The following PDE5A variants were observed in gnomAD, a reference collection of about 807,000 sequenced individuals.
PDE5A encodes cGMP-specific 3',5'-cyclic phosphodiesterase.
Under a neutral mutation model 110.2 loss-of-function variants are expected in PDE5A, and 67 were observed. The observed-to-expected ratio is 0.61, with a 90% CI of 0.50 to 0.75. The LOEUF (loss-of-function observed/expected upper bound fraction) is 0.75, where lower values mean the gene tolerates loss of function less well. Ranked by LOEUF, PDE5A falls within the 30% of genes least tolerant of loss-of-function variation. The pLI is 0.00. For missense variants in PDE5A, 862 were observed against 1,045.1 expected, an observed-to-expected ratio of 0.82 and a Z score of 2.42; for synonymous variants, 328 against 351.2, an observed-to-expected ratio of 0.93 and a Z score of 0.74.
intron 1 of PDE5A, among the ~76,000 whole-genome samples, chr4:119,607,662 A>C (rs13118388): frequency 0.15 from 23,092 of 152,024 alleles, 1,902 homozygotes; most frequent in African/African-American, 0.2. Flanking sequence ...GCTTGAGCCC[A>C]GGAGTTCGAG....
In PDE5A at chr4:119,628,801, C is replaced by G; in HGVS notation, c.-130G>C. 1 of 1,406,406 alleles carries G rather than the reference C, an allele frequency of 7.1e-7. No homozygotes were observed. The allele number at this position is 1,406,406 out of a possible 1,614,324, so 87.1% of individuals were successfully genotyped here. A position where few individuals can be genotyped will look rare whatever the true frequency, so the allele number is the denominator to read the frequency against. ...GTCCTGCTCCAGTCGGGCCGGCTTT[C>G]GACAAAGCGGCCGGAGCGCCAGGCC... On this transcript the variant is annotated 5_prime_UTR_variant, in exon 1 of 21. Coordinates refer to ENST00000354960, the MANE Select transcript of PDE5A (RefSeq NM_001083.4).
intron 3 of PDE5A, among the ~76,000 whole-genome samples, chr4:119,584,944 G>T (rs1428043757): frequency 6.6e-6 from 1 of 152,184 alleles, no homozygotes; most frequent in Non-Finnish European, 1.5e-5. Context: ...TGCAAACAGA[G>T]ATCTTATGTA....
intron 16 of PDE5A, among the ~76,000 whole-genome samples, 171 bp from the exon 17 acceptor site, chr4:119,506,103 C>G (rs1725545176): frequency 6.6e-6 from 1 of 151,730 alleles, no homozygotes; most frequent in Admixed American, 6.6e-5. Flanking sequence ...ACCTCACTTT[C>G]CCCCTTCTAT....
intron 8 of PDE5A, 44 bp downstream of exon 8, chr4:119,553,594 G>T (rs1190545266): frequency 1.1e-6 from 1 of 937,206 alleles, no homozygotes; most frequent in Non-Finnish European, 1.8e-6. Flanking sequence ...AGATGTGATG[G>T]GAAAACAGCC....
rs1725070102 is a variant in PDE5A at position 119,496,344 on chromosome 4, C to T, written c.*2257G>A. 1 of 152,080 alleles carries T rather than the reference C, an allele frequency of 6.6e-6. No individual in the cohort carries two copies. The highest frequency in any genetic ancestry group is 1.5e-5 in the Non-Finnish European group (1 of 68,004). The allele number at this position is 152,080 out of a possible 1,614,324, so 9.4% of individuals were successfully genotyped here. A position where few individuals can be genotyped will look rare whatever the true frequency, so the allele number is the denominator to read the frequency against. The stretch of plus-strand genomic sequence containing the variant: ...AAAATTATTTGAACCAATTAACCAG[C>T]CCTAAAGAAGTACTCTGCTTTGTAT... On this transcript the variant is annotated 3_prime_UTR_variant, in exon 21 of 21. Coordinates refer to ENST00000354960, the MANE Select transcript of PDE5A (RefSeq NM_001083.4).
rs1358178647 is a variant in PDE5A at position 119,624,174 on chromosome 4, T to C, written c.152+4346A>G. Among the ~76,000 whole-genome samples the C allele has an allele frequency of 3.3e-5, 5 of 152,268 alleles. No homozygotes were observed. In the East Asian group the frequency reaches 5.8e-4, roughly 18 times the overall value. On this transcript the variant is annotated intron_variant, in intron 1 of 20. Coordinates refer to ENST00000354960, the MANE Select transcript of PDE5A (RefSeq NM_001083.4). Reference sequence around the variant, plus strand: ...AAAATACTATAAACAATATCAAAGTTAGACTGGGTCAATGCTCAGAGGGTT... The same window carrying C: ...AAAATACTATAAACAATATCAAAGTCAGACTGGGTCAATGCTCAGAGGGTT...
intron 2 of PDE5A, among the ~76,000 whole-genome samples, chr4:119,598,758 G>C (rs753124328): frequency 6.6e-6 from 1 of 152,186 alleles, no homozygotes; most frequent in African/African-American, 2.4e-5. Context: ...TACCCAATGA[G>C]AGCAACGCTT....
intron 9 of PDE5A, chr4:119,548,673 T>C (rs553053906): frequency 1.3e-5 from 2 of 152,340 alleles, no homozygotes; most frequent in East Asian, 3.9e-4. Flanking sequence ...TATTTTTGTC[T>C]TTCTTCAGTC....
intron 1 of PDE5A, among the ~76,000 whole-genome samples, chr4:119,620,262 T>C (rs1404179071): frequency 1.3e-5 from 2 of 152,204 alleles, no homozygotes; most frequent in Admixed American, 6.5e-5. Context: ...GTAGTTCGCT[T>C]GGGTCTGGCA....
intron 7 of PDE5A, among the ~76,000 whole-genome samples, chr4:119,554,737 A>G (rs534730265): frequency 2.0e-5 from 3 of 152,106 alleles, no homozygotes; most frequent in Admixed American, 1.3e-4. Context: ...TAAACCAAAG[A>G]AAAAAAACAA....
intron 14 of PDE5A, among the ~76,000 whole-genome samples, chr4:119,518,679 A>G (rs924262234): frequency 9.9e-5 from 15 of 152,244 alleles, no homozygotes; most frequent in African/African-American, 3.6e-4. Context: ...CTTAATAAGT[A>G]TGTAGGGCCG....
At chr4:119,533,636 T>C (rs1466642612) in intron 11 of PDE5A, among the ~76,000 whole-genome samples, 2 of 152,126 alleles carry the variant, frequency 1.3e-5, no homozygotes, top group African/African-American at 4.8e-5. Context: ...AGCATCAACA[T>C]GTTATATGAT....
rs1431919586 is a variant in PDE5A at position 119,525,486 on chromosome 4, T to C, written c.1779+63A>G. The C allele has an allele frequency of 4.8e-6, 7 of 1,453,126 alleles. No homozygotes were observed. The African/African-American group carries it at 8.5e-5, about 18-fold the overall frequency. 90.0% of individuals were successfully genotyped at this position (1,453,126 alleles called of 1,614,324 possible). A position where few individuals can be genotyped will look rare whatever the true frequency, so the allele number is the denominator to read the frequency against. On this transcript the variant is annotated intron_variant, in intron 12 of 20. Coordinates refer to ENST00000354960, the MANE Select transcript of PDE5A (RefSeq NM_001083.4). This position sits in a 1 kb window ranked among gnomAD's most constrained non-coding sequence, Gnocchi z 4.3. ...CCATATTTGCATTCAAAACCAATTC[T>C]CTCTCTTACATACACACACACATAC... is the stretch of plus-strand genomic sequence containing the variant.
At position 119,498,727 on chromosome 4, in the gene PDE5A, G is replaced by A. The variant is rs746052731; in HGVS notation, c.2502C>T (p.His834=). ...ICLQLYEALT[H]VSEDCFPLLD... is the part of the protein sequence containing the mutation. ...GCAAAGGGAAACAGTCCTCTGACAC[G>A]TGGGTCAGGGCCTAAAGAGAAAAAA... Residue 834 remains histidine, a synonymous_variant, in exon 21 of 21, where the codon CAC becomes CAT. Coordinates refer to ENST00000354960, the MANE Select transcript of PDE5A (RefSeq NM_001083.4). 3 of 1,613,676 alleles carry A rather than the reference G, an allele frequency of 1.9e-6. No individual in the cohort carries two copies. Among genetic ancestry groups the A allele is most frequent in the Admixed American group, 1.7e-5 (1 of 59,956 alleles).
At chr4:119,624,620 CTG>C (rs1730274105) in intron 1 of PDE5A, among the ~76,000 whole-genome samples, 1 of 152,150 alleles carries the variant, frequency 6.6e-6, no homozygotes, top group Non-Finnish European at 1.5e-5. Flanking sequence ...GAGCTTTTGC[CTG>C]TACAAAACAA....
At chr4:119,592,487 A>AAAAAAAAAAAAAG (rs70944896) in intron 3 of PDE5A, among the ~76,000 whole-genome samples, 1 of 136,958 alleles carries the variant, frequency 7.3e-6, no homozygotes, top group Non-Finnish European at 1.6e-5. Flanking sequence ...AAAAAAAAAA[A>AAAAAAAAAAAAAG]GCTGTGTTCT....
rs1194505356 is a variant in PDE5A at position 119,603,369 on chromosome 4, AAAAT to A, written c.741+3336_741+3339del. Among the ~76,000 whole-genome samples the A allele has an allele frequency of 4.8e-4, 51 of 105,304 alleles. No homozygotes were observed. In the South Asian group the frequency reaches 0.011, roughly 22 times the overall value. 69.1% of individuals were successfully genotyped at this position (105,304 alleles called of 152,430 possible). A position where few individuals can be genotyped will look rare whatever the true frequency, so the allele number is the denominator to read the frequency against. On this transcript the variant is annotated intron_variant, in intron 2 of 20. Coordinates refer to ENST00000354960, the MANE Select transcript of PDE5A (RefSeq NM_001083.4). ...GAGCAACACAGTGAGACTCTGGCTT[AAAAT>A]AAATACATACATACATACATACATA...
chr4:119,604,381 A>C (rs1413348986), intron 2 of PDE5A, among the ~76,000 whole-genome samples: 1 of 152,176 alleles, frequency 6.6e-6, no homozygotes, highest in African/African-American at 2.4e-5. Context: ...TTCTCAACAA[A>C]GCTAGAGAAT....
chr4:119,537,569 G>C (rs1370169335), intron 11 of PDE5A, among the ~76,000 whole-genome samples: 2 of 151,806 alleles, frequency 1.3e-5, no homozygotes, highest in South Asian at 4.2e-4. Context: ...TTCCATCTAA[G>C]GCTATATTCA....
Sources: gnomAD v4.1 joint callset for allele counts (sites outside exome capture counted in the v4.1 genomes callset) on GRCh38, gnomAD v4.1.1 for gene constraint, Gnocchi (gnomAD v3.1) non-coding constraint, MANE v1.5 for transcripts, NCBI Gene and HGNC (gene_info 2026-07-23, HGNC 2026-07-21) for gene names.